KIAA0586: variants seen among roughly 807,000 people sequenced by gnomAD.
The protein encoded by KIAA0586 is KIAA0586, also known as protein TALPID3.
In KIAA0586, 144 loss-of-function variants were observed where a neutral mutation model predicts 169.8. The observed-to-expected ratio is 0.85, with a 90% CI of 0.74 to 0.97. KIAA0586 has a LOEUF of 0.97. KIAA0586 is among the 50% of genes least tolerant of loss of function. The probability of loss-of-function intolerance (pLI) is 0.00; values close to 1 mark genes in which losing one functional copy is unlikely to be tolerated. For missense variants in KIAA0586, 1,854 were observed against 1,823.0 expected, an observed-to-expected ratio of 1.02 and a Z score of -0.31; for synonymous variants, 625 against 612.4, an observed-to-expected ratio of 1.02 and a Z score of -0.30.
chr14:58,480,219 GT>G (rs376799635), intron 20 of KIAA0586, among the ~76,000 whole-genome samples: 8,439 of 151,746 alleles, frequency 0.056, 278 homozygotes, highest in South Asian at 0.11. Context: ...TGTCAAAAAT[GT>G]TTCCCTTTTT....
At chr14:58,469,375 A>G (rs976539120) in intron 16 of KIAA0586, among the ~76,000 whole-genome samples, 2 of 152,194 alleles carry the variant, frequency 1.3e-5, no homozygotes, top group African/African-American at 4.8e-5. Flanking sequence ...TCCCAACATG[A>G]ACCCAAGTGT....
intron 9 of KIAA0586, 109 bp from the exon 10 acceptor site, chr14:58,456,593 G>A: frequency 1.5e-6 from 1 of 649,162 alleles, no homozygotes; most frequent in South Asian, 1.9e-5. Context: ...TAGTAATATA[G>A]CTAAGACTGT....
At chr14:58,448,584 G>A in intron 7 of KIAA0586, 91 bp downstream of exon 7, 2 of 843,868 alleles carry the variant, frequency 2.4e-6, no homozygotes, top group Non-Finnish European at 1.7e-6. Flanking sequence ...CTGAGCAGTA[G>A]GAGTTTTTGT....
At chr14:58,555,095 CTTTCTT>C (rs1269488113), downstream of KIAA0586, among the ~76,000 whole-genome samples, 1 of 113,476 alleles carries the variant, frequency 8.8e-6, no homozygotes, top group African/African-American at 3.3e-5. Context: ...CTTTTTCTTT[CTTTCTT>C]TTTTTTTTTT....
intron 16 of KIAA0586, among the ~76,000 whole-genome samples, chr14:58,468,681 G>A (rs1435079575): frequency 6.6e-6 from 1 of 152,180 alleles, no homozygotes; most frequent in Non-Finnish European, 1.5e-5. Flanking sequence ...TCTTCACTAG[G>A]TCTGGACAAA....
At chr14:58,476,316 T>C (rs2141042482) in intron 19 of KIAA0586, among the ~76,000 whole-genome samples, 1 of 152,280 alleles carries the variant, frequency 6.6e-6, no homozygotes, top group East Asian at 1.9e-4. Flanking sequence ...GTTCTAGAAG[T>C]CTCCTGTTCC....
At chr14:58,453,147 G>A (rs560319868) in intron 8 of KIAA0586, among the ~76,000 whole-genome samples, 3 of 151,664 alleles carry the variant, frequency 2.0e-5, no homozygotes, top group East Asian at 2.0e-4. Flanking sequence ...TCGAACTTCC[G>A]ACCTCAGATG....
At chr14:58,494,967 A>G (rs2043066988) in intron 26 of KIAA0586, among the ~76,000 whole-genome samples, 1 of 152,162 alleles carries the variant, frequency 6.6e-6, no homozygotes, top group Non-Finnish European at 1.5e-5. Context: ...TTCCTCTCAC[A>G]AAGCCCCTCC....
chr14:58,449,497 C>T (rs2039175188), intron 7 of KIAA0586, among the ~76,000 whole-genome samples: 1 of 152,130 alleles, frequency 6.6e-6, no homozygotes, highest in African/African-American at 2.4e-5. Context: ...CAGCTGTACT[C>T]CAGCCTGGGT....
intron 18 of KIAA0586, among the ~76,000 whole-genome samples, chr14:58,473,227 T>C (rs1287834075): frequency 6.6e-6 from 1 of 151,980 alleles, no homozygotes; most frequent in African/African-American, 2.4e-5. Context: ...TATTTATAGA[T>C]AAAATGATGT....
chr14:58,474,434 T>A (rs1042701402), intron 18 of KIAA0586, among the ~76,000 whole-genome samples, 173 bp from the exon 19 acceptor site: 9 of 152,248 alleles, frequency 5.9e-5, no homozygotes, highest in African/African-American at 1.9e-4. Flanking sequence ...TTCCTCAATA[T>A]GATATGTCTG....
intron 28 of KIAA0586, among the ~76,000 whole-genome samples, chr14:58,509,709 A>C (rs1211274701): frequency 6.6e-6 from 1 of 152,218 alleles, no homozygotes; most frequent in African/African-American, 2.4e-5. Flanking sequence ...AGGAAAAACT[A>C]GTTAATAATG....
intron 15 of KIAA0586, 70 bp from the exon 16 acceptor site, chr14:58,467,665 C>A: frequency 9.2e-7 from 1 of 1,087,758 alleles, no homozygotes; most frequent in Non-Finnish European, 1.3e-6. Flanking sequence ...CATTAAGATC[C>A]AGATGGTATA....
In KIAA0586 at chr14:58,430,169, C is replaced by CT. The variant is rs71448954; in HGVS notation, c.271-467dup. On this transcript the variant is annotated intron_variant, in intron 2 of 30. Transcript: ENST00000652326. ...TTGGAGTGTTTTTTTGTTGTTTTGT[C>CT]TTTTTTTTTTTTAAGCAGGCCTTAT... Among the ~76,000 whole-genome samples, 1,106 of 140,800 alleles carry CT rather than the reference C, an allele frequency of 7.9e-3. 7 individuals carry two copies. The highest frequency in any genetic ancestry group is 0.026 in the Middle Eastern group (7 of 272). The allele number at this position is 140,800 out of a possible 152,430, so 92.4% of individuals were successfully genotyped here. A position where few individuals can be genotyped will look rare whatever the true frequency, so the allele number is the denominator to read the frequency against.
chr14:58,535,961 A>G (rs2046258127), intron 29 of KIAA0586, among the ~76,000 whole-genome samples: 1 of 152,148 alleles, frequency 6.6e-6, no homozygotes, highest in South Asian at 2.1e-4. Flanking sequence ...ATAATACTAT[A>G]AAGATTTACA....
chr14:58,472,141 A>G (rs2041267410), intron 17 of KIAA0586, 58 bp from the exon 18 acceptor site: 1 of 831,324 alleles, frequency 1.2e-6, no homozygotes. Context: ...ATGATAAATT[A>G]CTTATAAATT....
intron 29 of KIAA0586, among the ~76,000 whole-genome samples, chr14:58,536,025 A>G (rs907042959): frequency 1.3e-5 from 2 of 152,174 alleles, no homozygotes; most frequent in Non-Finnish European, 2.9e-5. Flanking sequence ...TTGAAGAGTC[A>G]GAAAGTAAGC....
At chr14:58,519,395 T>G (rs970722893) in intron 29 of KIAA0586, among the ~76,000 whole-genome samples, 7 of 152,154 alleles carry the variant, frequency 4.6e-5, no homozygotes, top group Admixed American at 1.3e-4. Flanking sequence ...TGTGCCATCA[T>G]GCCTGACTCA....
chr14:58,555,099 C>CTTTTTTTTT (rs35845234), downstream of KIAA0586, among the ~76,000 whole-genome samples: 172 of 102,512 alleles, frequency 1.7e-3, no homozygotes, highest in Non-Finnish European at 2.1e-3. Context: ...TTCTTTCTTT[C>CTTTTTTTTT]TTTTTTTTTT....
Sources: allele counts gnomAD v4.1 joint callset (sites outside exome capture counted in the v4.1 genomes callset), GRCh38; gene constraint gnomAD v4.1.1; transcripts MANE v1.5; gene names NCBI Gene and HGNC (gene_info 2026-07-23, HGNC 2026-07-21).